The following DIAPH2 variants were observed in gnomAD, a reference collection of about 807,000 sequenced individuals.
DIAPH2 encodes the protein protein diaphanous homolog 2.
A neutral mutation model predicts 92.7 loss-of-function variants in DIAPH2; 35 were observed. That is an observed-to-expected ratio of 0.38 (90% CI 0.29 to 0.50). The LOEUF (loss-of-function observed/expected upper bound fraction) is 0.50. Ranked by LOEUF, DIAPH2 falls within the 20% of genes least tolerant of loss-of-function variation. The pLI is 0.94. For synonymous variants in DIAPH2, 301 were observed against 280.4 expected (o/e 1.07, Z -0.73); for missense variants, 701 against 819.5 (o/e 0.86, Z 1.77).
At chrX:96,887,908 T>C (rs2065274177) in intron 5 of DIAPH2, among the ~76,000 whole-genome samples, 1 of 111,306 alleles carries the variant, frequency 9.0e-6, no homozygotes, top group African/African-American at 3.3e-5. Context: ...ATTTAGTATT[T>C]ATTATCTCCC....
In DIAPH2 at chrX:97,290,074, A is replaced by AATATATAT. The variant is rs374540988; in HGVS notation, c.2844+42251_2844+42258dup. ...TTTTCCTTCCCTTGGCAGTAATTTA[A>AATATATAT]ATATATATATATATATATATATAAT... is the stretch of plus-strand genomic sequence containing the variant. On this transcript the variant is annotated intron_variant, in intron 23 of 26. Coordinates refer to ENST00000324765, the MANE Select transcript of DIAPH2 (RefSeq NM_006729.5). Among the ~76,000 whole-genome samples, 575 of 95,091 alleles carry AATATATAT rather than the reference A, an allele frequency of 6.0e-3. 7 individuals are homozygous for AATATATAT. The highest frequency in any genetic ancestry group is 0.02 in the African/African-American group (524 of 26,535). 82.6% of individuals were successfully genotyped at this position (95,091 alleles called of 115,157 possible).
chrX:96,830,021 A>T (rs527621395), intron 4 of DIAPH2, among the ~76,000 whole-genome samples: 5 of 110,623 alleles, frequency 4.5e-5, no homozygotes, highest in Middle Eastern at 4.7e-3. Context: ...TATATATATA[A>T]AAAAAGGTTA....
chrX:97,278,898 C>A (rs2068473541), intron 23 of DIAPH2, among the ~76,000 whole-genome samples: 1 of 112,260 alleles, frequency 8.9e-6, no homozygotes, highest in African/African-American at 3.2e-5. Context: ...TTTCAGGCAC[C>A]TGAAGGACAT....
chrX:96,992,669 G>A (rs148935786), intron 17 of DIAPH2, among the ~76,000 whole-genome samples: 11,029 of 111,893 alleles, frequency 0.099, 621 homozygotes, highest in African/African-American at 0.21. Context: ...GTTTGTGTTA[G>A]CAGGCAATGT....
chrX:97,203,047 G>A (rs750928872), intron 22 of DIAPH2, among the ~76,000 whole-genome samples: 1 of 112,014 alleles, frequency 8.9e-6, no homozygotes. Context: ...CGTGGAAATC[G>A]TACAACCTCC....
intron 17 of DIAPH2, among the ~76,000 whole-genome samples, chrX:97,057,401 C>A (rs2066564671): frequency 9.0e-6 from 1 of 111,581 alleles, no homozygotes; most frequent in African/African-American, 3.3e-5. Context: ...CAGCAAATTT[C>A]ATTCTTTCAT....
At position 97,249,806 on chromosome X, in the gene DIAPH2, A is replaced by G. The variant is rs771759402; in HGVS notation, c.2844+1967A>G. On this transcript the variant is annotated intron_variant, in intron 23 of 26. Coordinates refer to ENST00000324765, the MANE Select transcript of DIAPH2 (RefSeq NM_006729.5). ...TGTGGGATACTTGATCCTGTTTTAAAAATAGAACCATGAGCCAGGGGTGGT... is the reference window on the plus strand; with the variant it reads ...TGTGGGATACTTGATCCTGTTTTAAGAATAGAACCATGAGCCAGGGGTGGT... 2.7e-5 allele frequency among the ~76,000 whole-genome samples: 3 copies of G among 112,232 alleles called. No homozygotes were observed. The Admixed American group carries it at 2.8e-4, about 11-fold the overall frequency.
intron 22 of DIAPH2, among the ~76,000 whole-genome samples, chrX:97,156,103 T>C (rs1411152126): frequency 8.9e-6 from 1 of 112,304 alleles, no homozygotes; most frequent in African/African-American, 3.2e-5. Context: ...CAGTTCTTCC[T>C]GAAATAAGTG....
chrX:97,129,043 T>C (rs1296905583), intron 21 of DIAPH2, among the ~76,000 whole-genome samples: 2 of 110,388 alleles, frequency 1.8e-5, no homozygotes, highest in African/African-American at 6.6e-5. Context: ...ATATGGAAAG[T>C]ATAGTTTTAA....
chrX:96,962,402 TACACATATATATATAC>T lies in DIAPH2; in HGVS notation c.1936-2687_1936-2672del, dbSNP rs1569436617. Among the ~76,000 whole-genome samples the T allele has an allele frequency of 1.1e-3, 70 of 61,123 alleles. 1 individual carries two copies. The highest frequency in any genetic ancestry group is 4.6e-3 in the African/African-American group (67 of 14,481). 53.1% of individuals were successfully genotyped at this position (61,123 alleles called of 115,157 possible). On this transcript the variant is annotated intron_variant, in intron 16 of 26. Coordinates refer to ENST00000324765, the MANE Select transcript of DIAPH2 (RefSeq NM_006729.5). ...ATACACATATATATACACATATATA[TACACATATATATATAC>T]ACATATATATACATATATATATACA...
rs2063762702 is a variant in DIAPH2, at chrX:96,684,930, C to G, written c.-129C>G. ...CGGGGGCCTGAAATCGGCAGCTTCCCGGGCAGACACTCTCTCCCTCAGGAA... is the reference window on the plus strand; with the variant it reads ...CGGGGGCCTGAAATCGGCAGCTTCCGGGGCAGACACTCTCTCCCTCAGGAA... On this transcript the variant is annotated 5_prime_UTR_variant, in exon 1 of 27. Coordinates refer to ENST00000324765, the MANE Select transcript of DIAPH2 (RefSeq NM_006729.5). 3 of 819,911 alleles carry G rather than the reference C, an allele frequency of 3.7e-6. No individual in the cohort carries two copies. Among genetic ancestry groups the G allele is most frequent in the Non-Finnish European group, 3.1e-6 (2 of 644,687 alleles). 67.6% of individuals were successfully genotyped at this position (819,911 alleles called of 1,213,427 possible).
chrX:97,120,490 G>A (rs2067048616), intron 21 of DIAPH2, among the ~76,000 whole-genome samples: 1 of 109,499 alleles, frequency 9.1e-6, no homozygotes, highest in African/African-American at 3.3e-5. Flanking sequence ...AATTCACAAC[G>A]CAAGCCTCCG....
At chrX:96,843,126 G>A (rs1243288682) in intron 4 of DIAPH2, among the ~76,000 whole-genome samples, 1 of 110,945 alleles carries the variant, frequency 9.0e-6, no homozygotes, top group African/African-American at 3.3e-5. Flanking sequence ...TACCACCACC[G>A]CCCTGGTACT....
intron 17 of DIAPH2, among the ~76,000 whole-genome samples, chrX:97,001,469 C>T (rs752622448): frequency 9.0e-6 from 1 of 110,789 alleles, no homozygotes; most frequent in South Asian, 3.9e-4. Context: ...ATAGTGAAAC[C>T]CTGTCTCTAC....
chrX:97,116,796 A>G lies in DIAPH2; in HGVS notation c.2589+1831A>G, dbSNP rs1307090038. 3.6e-5 allele frequency among the ~76,000 whole-genome samples: 4 copies of G among 112,024 alleles called. No individual in the cohort carries two copies. In the South Asian group the frequency reaches 1.5e-3, roughly 41 times the overall value. On this transcript the variant is annotated intron_variant, in intron 21 of 26. Coordinates refer to ENST00000324765, the MANE Select transcript of DIAPH2 (RefSeq NM_006729.5). Reference sequence around the variant, plus strand: ...CTATTCAAATTAATTACATGAACTGATTTCTTTGAAGCAAGAATGAATAAG... The same window carrying G: ...CTATTCAAATTAATTACATGAACTGGTTTCTTTGAAGCAAGAATGAATAAG...
At chrX:97,599,106 C>T in intron 26 of DIAPH2, 147 bp from the exon 27 acceptor site, 1 of 331,100 alleles carries the variant, frequency 3.0e-6, no homozygotes, top group Non-Finnish European at 5.4e-6. Context: ...ATGAACTCCT[C>T]AGATCTGAGT....
At chrX:96,739,579 C>T (rs2147571709) in intron 3 of DIAPH2, among the ~76,000 whole-genome samples, 1 of 111,964 alleles carries the variant, frequency 8.9e-6, no homozygotes, top group East Asian at 2.8e-4. Flanking sequence ...AACATCTTGT[C>T]ATCACCTCTC....
intron 22 of DIAPH2, among the ~76,000 whole-genome samples, chrX:97,202,762 T>C (rs1240840461): frequency 2.7e-5 from 3 of 111,584 alleles, no homozygotes; most frequent in Admixed American, 1.9e-4. Context: ...CTGTCAATGT[T>C]TGACAGATTA....
intron 25 of DIAPH2, among the ~76,000 whole-genome samples, chrX:97,424,183 G>T (rs1047059255): frequency 1.8e-5 from 2 of 112,094 alleles, no homozygotes; most frequent in African/African-American, 6.5e-5. Context: ...CAGCTTCTTT[G>T]AAAGTTATCG....
Sources: allele counts gnomAD v4.1 joint callset (sites outside exome capture counted in the v4.1 genomes callset), GRCh38; gene constraint gnomAD v4.1.1; transcripts MANE v1.5; gene names NCBI Gene and HGNC (gene_info 2026-07-23, HGNC 2026-07-21).